NAV2: variants seen among roughly 807,000 people sequenced by gnomAD.
NAV2 encodes neuron navigator 2, also known as helicase, APC down-regulated 1.
A neutral mutation model predicts 223.2 loss-of-function variants in NAV2; 54 were observed. The observed-to-expected ratio is 0.24, with a 90% CI of 0.19 to 0.30. The LOEUF (loss-of-function observed/expected upper bound fraction) is 0.30, where lower values mean the gene tolerates loss of function less well. Ranked by LOEUF, NAV2 falls within the 10% of genes least tolerant of loss-of-function variation. NAV2 has a pLI of 1.00. For missense variants in NAV2, 2,806 were observed against 3,147.5 expected (o/e 0.89, Z 2.60); for synonymous variants, 1,279 against 1,239.3 (o/e 1.03, Z -0.67).
intron 4 of NAV2, among the ~76,000 whole-genome samples, chr11:19,877,534 G>A (rs566715891): frequency 4.6e-5 from 6 of 129,154 alleles, no homozygotes; most frequent in Non-Finnish European, 7.9e-5. Flanking sequence ...GTGCAGTGGC[G>A]TGATCTTGGC....
intron 1 of NAV2, among the ~76,000 whole-genome samples, chr11:19,528,908 G>A (rs2043934737): frequency 1.6e-5 from 2 of 128,526 alleles, no homozygotes; most frequent in African/African-American, 2.9e-5. Flanking sequence ...CCAGCCCGGT[G>A]ACAGAGTGAG....
At chr11:20,085,441 T>A (rs1383881848) in intron 26 of NAV2, among the ~76,000 whole-genome samples, 1 of 152,192 alleles carries the variant, frequency 6.6e-6, no homozygotes, top group East Asian at 1.9e-4. Flanking sequence ...TAAGGGCTAA[T>A]GCTGTGAATT....
chr11:19,913,253 G>C (rs1224589649), intron 6 of NAV2, among the ~76,000 whole-genome samples: 2 of 152,078 alleles, frequency 1.3e-5, no homozygotes, highest in Non-Finnish European at 1.5e-5. Flanking sequence ...TTTTGTGTTT[G>C]CAGCTTTATT....
At chr11:19,723,660 G>C (rs1460068145) in intron 1 of NAV2, among the ~76,000 whole-genome samples, 2 of 152,152 alleles carry the variant, frequency 1.3e-5, no homozygotes, top group African/African-American at 4.8e-5. Context: ...GCCCTATTTG[G>C]CCTTTGCCCA....
intron 1 of NAV2, among the ~76,000 whole-genome samples, chr11:19,669,540 C>G (rs1304650893): frequency 1.3e-5 from 2 of 152,232 alleles, no homozygotes; most frequent in African/African-American, 4.8e-5. Context: ...GCACAGTATG[C>G]TCTGTTTAAG....
intron 6 of NAV2, among the ~76,000 whole-genome samples, chr11:19,908,960 G>A (rs1484653909): frequency 6.6e-6 from 1 of 152,122 alleles, no homozygotes; most frequent in Non-Finnish European, 1.5e-5. Flanking sequence ...AGAACTTCAT[G>A]AGTATGAGGA....
chr11:19,524,048 C>T (rs889902409), intron 1 of NAV2, among the ~76,000 whole-genome samples: 6 of 152,208 alleles, frequency 3.9e-5, no homozygotes, highest in African/African-American at 1.4e-4. Context: ...CAGCCTCTGA[C>T]TTCTCTCTTA....
intron 3 of NAV2, among the ~76,000 whole-genome samples, chr11:19,867,723 A>G (rs972113285): frequency 6.6e-6 from 1 of 152,228 alleles, no homozygotes. Context: ...AGGGTTGAGT[A>G]GAGTGTATAT....
chr11:19,644,840 C>T (rs1369385370), intron 1 of NAV2, among the ~76,000 whole-genome samples: 2 of 152,152 alleles, frequency 1.3e-5, no homozygotes, highest in African/African-American at 4.8e-5. Flanking sequence ...AAGGTATGGA[C>T]CAGTTTATGG....
rs76001993 is a variant in NAV2, at chr11:19,998,983, C to T, written c.2768+14736C>T. ...TGCAGGTGAATCCCCTCTCCCAGCACAGGGCCCGTCCAGAGAGGGTGCTTA... is the reference window on the plus strand; with the variant it reads ...TGCAGGTGAATCCCCTCTCCCAGCATAGGGCCCGTCCAGAGAGGGTGCTTA... On this transcript the variant is annotated intron_variant, in intron 11 of 37. Coordinates refer to ENST00000349880, the MANE Select transcript of NAV2 (RefSeq NM_145117.5). This position sits in a 1 kb window ranked among gnomAD's most constrained non-coding sequence, Gnocchi z 5.0. Among the ~76,000 whole-genome samples, 7,536 of 152,290 alleles carry T rather than the reference C, an allele frequency of 0.049. 611 individuals are homozygous for T. Among genetic ancestry groups the T allele is most frequent in the African/African-American group, 0.17 (7,053 of 41,512 alleles).
At chr11:19,971,429 C>T (rs1165560365) in intron 10 of NAV2, among the ~76,000 whole-genome samples, 2 of 152,036 alleles carry the variant, frequency 1.3e-5, no homozygotes, top group African/African-American at 2.4e-5. Context: ...ACCTATTTTG[C>T]AGGGTATAAA....
At chr11:20,026,781 A>T (rs2055125157) in intron 11 of NAV2, among the ~76,000 whole-genome samples, 2 of 152,168 alleles carry the variant, frequency 1.3e-5, no homozygotes. Context: ...CAGCCTCAAC[A>T]TTTCTTAGTT....
At chr11:20,105,345 G>C in intron 34 of NAV2, 186 bp from the exon 35 acceptor site, 1 of 522,684 alleles carries the variant, frequency 1.9e-6, no homozygotes, top group Non-Finnish European at 3.4e-6. Context: ...CTATGTTAGA[G>C]GGTTGGTATC....
intron 1 of NAV2, among the ~76,000 whole-genome samples, chr11:19,482,465 A>T (rs1271480948): frequency 5.3e-5 from 8 of 152,218 alleles, no homozygotes; most frequent in African/African-American, 1.7e-4. Flanking sequence ...GGAAAAAGGC[A>T]GTTTTCCACG....
At chr11:19,367,552 G>A (rs1041610122) in intron 1 of NAV2, among the ~76,000 whole-genome samples, 2 of 152,146 alleles carry the variant, frequency 1.3e-5, no homozygotes, top group Non-Finnish European at 2.9e-5. Context: ...GCTCATGGTG[G>A]TGGGGTTTTC....
At chr11:19,556,414 C>T (rs958008268) in intron 1 of NAV2, among the ~76,000 whole-genome samples, 1 of 152,176 alleles carries the variant, frequency 6.6e-6, no homozygotes, top group Non-Finnish European at 1.5e-5. Context: ...ACGAAGTAAA[C>T]AGTTAAAGAG....
chr11:19,402,744 ATC>A (rs1170862491), intron 1 of NAV2, among the ~76,000 whole-genome samples: 2 of 152,214 alleles, frequency 1.3e-5, no homozygotes, highest in African/African-American at 4.8e-5. Flanking sequence ...ATTAAGTAGC[ATC>A]TGTCTCCATG....
At chr11:20,010,498 GC>G (rs1219628546) in intron 11 of NAV2, among the ~76,000 whole-genome samples, 1 of 152,228 alleles carries the variant, frequency 6.6e-6, no homozygotes, top group South Asian at 2.1e-4. Flanking sequence ...AAGCGTGACA[GC>G]CCCCCACCAC....
At chr11:19,436,049 G>A (rs188285364) in intron 1 of NAV2, among the ~76,000 whole-genome samples, 32 of 151,792 alleles carry the variant, frequency 2.1e-4, no homozygotes, top group Non-Finnish European at 4.6e-4. Flanking sequence ...TGCTTCCTTT[G>A]TTGTGGAGCT....
Sources: gnomAD v4.1 joint callset for allele counts (sites outside exome capture counted in the v4.1 genomes callset) on GRCh38, gnomAD v4.1.1 for gene constraint, Gnocchi (gnomAD v3.1) non-coding constraint, MANE v1.5 for transcripts, NCBI Gene and HGNC (gene_info 2026-07-23, HGNC 2026-07-21) for gene names.